The following SPATA17 variants were observed in gnomAD, a reference collection of about 807,000 sequenced individuals.
SPATA17 encodes the protein spermatogenesis associated 17.
In SPATA17, 53 loss-of-function variants were observed where a neutral mutation model predicts 62.2. The ratio of observed to expected loss-of-function variants is 0.85; its 90% CI spans 0.68 to 1.07. SPATA17 has a LOEUF of 1.07. SPATA17 is among the 50% of genes least tolerant of loss of function. SPATA17 has a pLI of 0.00. For synonymous variants in SPATA17, 146 were observed against 146.8 expected, an observed-to-expected ratio of 0.99 and a Z score of 0.04; for missense variants, 466 against 425.5, an observed-to-expected ratio of 1.10 and a Z score of -0.84.
chr1:217,757,983 G>C (rs948684190), intron 6 of SPATA17, among the ~76,000 whole-genome samples: 8 of 152,102 alleles, frequency 5.3e-5, no homozygotes, highest in Admixed American at 4.6e-4. Context: ...AGAGAGGGTG[G>C]AATGTTTAGT....
chr1:217,689,526 T>C (rs1426729085), intron 5 of SPATA17, among the ~76,000 whole-genome samples: 1 of 152,068 alleles, frequency 6.6e-6, no homozygotes, highest in African/African-American at 2.4e-5. Context: ...ACACGATGTC[T>C]TTTTGTGTGC....
At chr1:217,779,871 G>T (rs1232581691) in intron 7 of SPATA17, among the ~76,000 whole-genome samples, 1 of 151,996 alleles carries the variant, frequency 6.6e-6, no homozygotes, top group Non-Finnish European at 1.5e-5. Context: ...CATATAAAAT[G>T]ACTATAAATA....
At chr1:217,850,754 A>G (rs1336621293) in intron 9 of SPATA17, 11 of 664,454 alleles carry the variant, frequency 1.7e-5, no homozygotes, top group Admixed American at 3.2e-5. Flanking sequence ...ATTCATACAT[A>G]TAGTTTTTAT....
At chr1:217,780,372 C>T (rs1025180548) in intron 7 of SPATA17, among the ~76,000 whole-genome samples, 5 of 152,068 alleles carry the variant, frequency 3.3e-5, no homozygotes, top group Admixed American at 6.6e-5. Context: ...GACATAGGGG[C>T]ATGGACATGA....
rs149913493 is a variant in SPATA17, at chr1:217,656,348, T to A, written c.240+5170T>A. ...AGCCACCTAAGAATATTTGTTTTGT[T>A]ACTTTAGCATCTCAACTGGATTTGA... is the stretch of plus-strand genomic sequence containing the variant. On this transcript the variant is annotated intron_variant, in intron 3 of 10. Transcript: ENST00000366933. Among the ~76,000 whole-genome samples, 357 of 152,342 alleles carry A rather than the reference T, an allele frequency of 2.3e-3. 1 individual carries two copies. The highest frequency in any genetic ancestry group is 8.0e-3 in the African/African-American group (333 of 41,590).
chr1:217,755,864 G>GT, intron 6 of SPATA17, among the ~76,000 whole-genome samples: 2 of 151,522 alleles, frequency 1.3e-5, no homozygotes, highest in South Asian at 4.2e-4. Flanking sequence ...CTATTTTTTT[G>GT]TTTATATATC....
At chr1:217,681,614 G>T (rs1285980952) in intron 4 of SPATA17, among the ~76,000 whole-genome samples, 2 of 152,014 alleles carry the variant, frequency 1.3e-5, no homozygotes, top group African/African-American at 4.8e-5. Flanking sequence ...GGCCAGGCTG[G>T]TCTCGAACTC....
At chr1:217,718,705 AAAG>A (rs1056685967) in intron 5 of SPATA17, among the ~76,000 whole-genome samples, 13 of 152,274 alleles carry the variant, frequency 8.5e-5, no homozygotes, top group African/African-American at 3.1e-4. Flanking sequence ...GAAGAAGAAG[AAAG>A]AAGAAGAAGA....
intron 9 of SPATA17, among the ~76,000 whole-genome samples, chr1:217,818,772 G>C (rs1009054620): frequency 6.6e-6 from 1 of 150,384 alleles, no homozygotes; most frequent in African/African-American, 2.4e-5. Flanking sequence ...CTTTTTTACT[G>C]TTTTGTTTAT....
intron 9 of SPATA17, among the ~76,000 whole-genome samples, chr1:217,810,657 C>T (rs1674564223): frequency 6.6e-6 from 1 of 151,746 alleles, no homozygotes; most frequent in South Asian, 2.1e-4. Context: ...GAATCTGAGA[C>T]TCGGTTATTT....
intron 5 of SPATA17, among the ~76,000 whole-genome samples, chr1:217,685,684 C>T (rs1671200808): frequency 6.6e-6 from 1 of 152,030 alleles, no homozygotes; most frequent in Non-Finnish European, 1.5e-5. Context: ...ATACATCTAA[C>T]CAGGCCATTG....
At chr1:217,805,926 T>G (rs1043553082) in intron 9 of SPATA17, among the ~76,000 whole-genome samples, 1 of 152,158 alleles carries the variant, frequency 6.6e-6, no homozygotes, top group East Asian at 1.9e-4. Flanking sequence ...AGTAAAGCTG[T>G]GGGAAAACAA....
Position 217,785,869 on chromosome 1 carries a change from C to T in SPATA17, c.872+3547C>T, listed in dbSNP as rs141680448. Among the ~76,000 whole-genome samples, 10 of 152,086 alleles carry T rather than the reference C, an allele frequency of 6.6e-5. No homozygotes were observed. The East Asian group carries it at 1.5e-3, about 24-fold the overall frequency. ...TAATAAAGACATGGAAAATAGATTACGGAAGTTTTTTTGGAAGTCATTTTA... is the reference window on the plus strand; with the variant it reads ...TAATAAAGACATGGAAAATAGATTATGGAAGTTTTTTTGGAAGTCATTTTA... On this transcript the variant is annotated intron_variant, in intron 8 of 10. Coordinates refer to ENST00000366933, the MANE Select transcript of SPATA17 (RefSeq NM_138796.4).
intron 9 of SPATA17, among the ~76,000 whole-genome samples, chr1:217,820,313 G>A (rs1449841893): frequency 6.6e-6 from 1 of 151,994 alleles, no homozygotes; most frequent in East Asian, 1.9e-4. Flanking sequence ...ATACAATGTG[G>A]ATACTGAATT....
At chr1:217,664,852 G>A (rs1190284505) in intron 3 of SPATA17, among the ~76,000 whole-genome samples, 3 of 152,080 alleles carry the variant, frequency 2.0e-5, no homozygotes, top group African/African-American at 4.8e-5. Context: ...GGTAGCACTC[G>A]TAGTAGGGAA....
chr1:217,813,699 T>C (rs1674648744), intron 9 of SPATA17, among the ~76,000 whole-genome samples: 1 of 152,128 alleles, frequency 6.6e-6, no homozygotes, highest in Non-Finnish European at 1.5e-5. Context: ...CTGAATTTTT[T>C]CAGTTTTCTT....
rs983644871 is a variant in SPATA17, at chr1:217,870,928, T to A, written c.*3909T>A. On this transcript the variant is annotated 3_prime_UTR_variant, in exon 11 of 11. Coordinates refer to ENST00000366933, the MANE Select transcript of SPATA17 (RefSeq NM_138796.4). ...ATCCATCGAATGTGCTAATGATAAA[T>A]AAAGAAGTTCAAAAAAATCTTTTAA... 6.6e-6 allele frequency: 1 copy of A among 152,138 alleles called. No homozygotes were observed. Among genetic ancestry groups the A allele is most frequent in the African/African-American group, 2.4e-5 (1 of 41,448 alleles). 9.4% of individuals were successfully genotyped at this position (152,138 alleles called of 1,614,324 possible).
In SPATA17 at chr1:217,850,264, T is replaced by A. The variant is rs144407559; in HGVS notation, c.1006-12510T>A. On this transcript the variant is annotated intron_variant, in intron 9 of 10. Coordinates refer to ENST00000366933, the MANE Select transcript of SPATA17 (RefSeq NM_138796.4). ...TCCAGAATTTTCTTTAATGCTACCA[T>A]GCAACAAAACCTTTATTAACATTTT... The A allele has an allele frequency of 1.2e-4, 36 of 307,164 alleles. No individual in the cohort carries two copies. The East Asian group carries it at 2.0e-3, about 17-fold the overall frequency. 19.0% of individuals were successfully genotyped at this position (307,164 alleles called of 1,614,324 possible).
chr1:217,764,356 C>G (rs1004293652), intron 6 of SPATA17, among the ~76,000 whole-genome samples: 6 of 152,118 alleles, frequency 3.9e-5, no homozygotes, highest in African/African-American at 1.4e-4. Flanking sequence ...TTAAGATTGG[C>G]TTCTTTCACT....
Sources: allele counts gnomAD v4.1 joint callset (sites outside exome capture counted in the v4.1 genomes callset), GRCh38; gene constraint gnomAD v4.1.1; transcripts MANE v1.5; gene names NCBI Gene and HGNC (gene_info 2026-07-23, HGNC 2026-07-21).